Variants in PARD3B observed in about 807,000 individuals in gnomAD.
The protein encoded by PARD3B is par-3 family cell polarity regulator beta, also known as partitioning defective 3 homolog B.
A neutral mutation model predicts 130.2 loss-of-function variants in PARD3B; 103 were observed. That is an observed-to-expected ratio of 0.79 (90% CI 0.67 to 0.93). The LOEUF (loss-of-function observed/expected upper bound fraction) is 0.93. PARD3B is among the 40% of genes least tolerant of loss of function. The pLI is 0.00. For synonymous variants in PARD3B, 583 were observed against 553.2 expected (o/e 1.05, Z -0.76); for missense variants, 1,609 against 1,499.2 (o/e 1.07, Z -1.21).
intron 18 of PARD3B, among the ~76,000 whole-genome samples, chr2:205,388,692 G>A (rs2045747720): frequency 6.6e-6 from 1 of 152,066 alleles, no homozygotes; most frequent in African/African-American, 2.4e-5. Context: ...AAAATCCCAT[G>A]GGAAATCTAT....
intron 2 of PARD3B, among the ~76,000 whole-genome samples, chr2:204,933,270 T>TAA (rs1688162622): frequency 6.6e-6 from 1 of 152,140 alleles, no homozygotes; most frequent in South Asian, 2.1e-4. Context: ...AGTAGAATAT[T>TAA]AGCTGATGAA....
At chr2:205,343,533 T>G (rs549833759) in intron 18 of PARD3B, among the ~76,000 whole-genome samples, 1 of 152,376 alleles carries the variant, frequency 6.6e-6, no homozygotes, top group African/African-American at 2.4e-5. Context: ...GCCTTACACA[T>G]AGGTCCTGTG....
At chr2:204,733,623 CA>C (rs577057059) in intron 2 of PARD3B, among the ~76,000 whole-genome samples, 114 of 151,986 alleles carry the variant, frequency 7.5e-4, no homozygotes, top group African/African-American at 2.6e-3. Flanking sequence ...AGAGAACTTA[CA>C]GTACTGAATT....
chr2:205,194,701 A>G lies in PARD3B; in HGVS notation c.2140+1381A>G, dbSNP rs945140216. 3.9e-5 allele frequency among the ~76,000 whole-genome samples: 6 copies of G among 152,108 alleles called. No homozygotes were observed. In the East Asian group the frequency reaches 1.2e-3, roughly 29 times the overall value. On this transcript the variant is annotated intron_variant, in intron 15 of 22. Transcript: ENST00000406610. ...CAGCACCCATTTTAAATTAAGAGAG[A>G]AAAAATATTATGAAACCTGTAAAAA... is the stretch of plus-strand genomic sequence containing the variant.
At chr2:204,856,654 T>C (rs1460904431) in intron 2 of PARD3B, among the ~76,000 whole-genome samples, 2 of 152,184 alleles carry the variant, frequency 1.3e-5, no homozygotes, top group African/African-American at 4.8e-5. Flanking sequence ...TGTTTTCTTC[T>C]ACTTATAGTT....
intron 18 of PARD3B, among the ~76,000 whole-genome samples, chr2:205,356,023 G>T (rs2044180096): frequency 6.6e-6 from 1 of 152,124 alleles, no homozygotes; most frequent in Non-Finnish European, 1.5e-5. Flanking sequence ...ATGAGATTTG[G>T]GTGGGGACAC....
intron 20 of PARD3B, among the ~76,000 whole-genome samples, chr2:205,480,720 T>G (rs1419810697): frequency 6.6e-6 from 1 of 152,188 alleles, no homozygotes; most frequent in Non-Finnish European, 1.5e-5. Context: ...AGCTCCGTGC[T>G]CTCAACACCT....
intron 4 of PARD3B, among the ~76,000 whole-genome samples, chr2:205,083,707 C>T (rs535503228): frequency 7.8e-4 from 118 of 150,800 alleles, no homozygotes; most frequent in Admixed American, 3.6e-3. Context: ...TTTTTATATT[C>T]ATGTCTTCTT....
At chr2:205,155,515 T>A (rs1559491916) in intron 10 of PARD3B, among the ~76,000 whole-genome samples, 2 of 151,786 alleles carry the variant, frequency 1.3e-5, no homozygotes, top group African/African-American at 4.8e-5. Flanking sequence ...GAGTAAACTT[T>A]AAAAAAAATG....
intron 3 of PARD3B, among the ~76,000 whole-genome samples, chr2:204,971,175 A>G (rs1269683103): frequency 6.6e-6 from 1 of 152,230 alleles, no homozygotes; most frequent in East Asian, 1.9e-4. Context: ...TAAGCAAACC[A>G]AATCCCTTTA....
At chr2:205,074,034 A>G (rs1414372178) in intron 4 of PARD3B, among the ~76,000 whole-genome samples, 2 of 152,174 alleles carry the variant, frequency 1.3e-5, no homozygotes, top group Non-Finnish European at 2.9e-5. Context: ...TTGTATGACT[A>G]ATCTTAGTGG....
chr2:204,696,907 T>C lies in PARD3B; in HGVS notation c.222+10625T>C, dbSNP rs140809868. On this transcript the variant is annotated intron_variant, in intron 2 of 22. Coordinates refer to ENST00000406610, the MANE Select transcript of PARD3B (RefSeq NM_001302769.2). ...CCTTGTGCAGACTTTAAATCAGGAG[T>C]GAAATAGCATAGAAACATGTTCAGA... 1.8e-3 allele frequency among the ~76,000 whole-genome samples: 277 copies of C among 152,116 alleles called. 1 individual carries two copies. Among genetic ancestry groups the C allele is most frequent in the African/African-American group, 6.1e-3 (255 of 41,518 alleles).
Position 205,230,176 on chromosome 2 carries a change from T to A in PARD3B, c.2141-15602T>A, listed in dbSNP as rs983136046. 6.6e-6 allele frequency among the ~76,000 whole-genome samples: 1 copy of A among 151,672 alleles called. No individual in the cohort carries two copies. The highest frequency in any genetic ancestry group is 2.4e-5 in the African/African-American group (1 of 41,240). On this transcript the variant is annotated intron_variant, in intron 15 of 22. Transcript: ENST00000406610. The surrounding 1 kb of genome is among the most constrained non-coding windows in gnomAD (Gnocchi z 4.1). ...CTGGTACCTAAGGTGCAAGACCAAG[T>A]CCCTCTCCTTTTCTCAAGCAGGAGA... is the stretch of plus-strand genomic sequence containing the variant.
intron 2 of PARD3B, among the ~76,000 whole-genome samples, chr2:204,781,780 A>T (rs1377961104): frequency 1.3e-5 from 2 of 152,144 alleles, no homozygotes; most frequent in Non-Finnish European, 2.9e-5. Flanking sequence ...ACCTAGCCAG[A>T]ACATCATACA....
chr2:204,764,685 C>T (rs1340831807), intron 2 of PARD3B, among the ~76,000 whole-genome samples: 1 of 149,306 alleles, frequency 6.7e-6, no homozygotes, highest in Non-Finnish European at 1.5e-5. Flanking sequence ...AGTTGGCTAC[C>T]TGACCAGCAG....
intron 18 of PARD3B, among the ~76,000 whole-genome samples, chr2:205,330,444 C>T (rs1357527905): frequency 6.6e-6 from 1 of 152,206 alleles, no homozygotes; most frequent in Non-Finnish European, 1.5e-5. Context: ...GCCCTCAGGG[C>T]TGTTTGATCC....
intron 3 of PARD3B, among the ~76,000 whole-genome samples, chr2:205,036,676 AATAT>A (rs1697932751): frequency 6.8e-6 from 1 of 146,702 alleles, no homozygotes; most frequent in African/African-American, 2.5e-5. Flanking sequence ...ATGTACAAAA[AATAT>A]ATATACACAG....
rs1156899563 is a variant in PARD3B at position 205,460,741 on chromosome 2, G to C, written c.3044+20069G>C. Among the ~76,000 whole-genome samples, 3 of 152,158 alleles carry C rather than the reference G, an allele frequency of 2.0e-5. No homozygotes were observed. Among genetic ancestry groups the C allele is most frequent in the Non-Finnish European group, 4.4e-5 (3 of 68,034 alleles). On this transcript the variant is annotated intron_variant, in intron 20 of 22. Coordinates refer to ENST00000406610, the MANE Select transcript of PARD3B (RefSeq NM_001302769.2). The surrounding 1 kb of genome is among the most constrained non-coding windows in gnomAD (Gnocchi z 4.9). ...TTCACAGAGGCCTGAATGAGTTAATGCATGGCAAACCTGAAGCACAGTGAC... is the reference window on the plus strand; with the variant it reads ...TTCACAGAGGCCTGAATGAGTTAATCCATGGCAAACCTGAAGCACAGTGAC...
chr2:204,563,217 G>GTCTCTCTTTCTCTC (rs2031437869), intron 1 of PARD3B, among the ~76,000 whole-genome samples: 3 of 86,598 alleles, frequency 3.5e-5, no homozygotes, highest in Non-Finnish European at 4.5e-5. Context: ...TCTTCCCGCT[G>GTCTCTCTTTCTCTC]TCTCTCTCTC....
Sources: allele counts gnomAD v4.1 joint callset (sites outside exome capture counted in the v4.1 genomes callset), GRCh38; gene constraint gnomAD v4.1.1; non-coding constraint Gnocchi (gnomAD v3.1); transcripts MANE v1.5; gene names NCBI Gene and HGNC (gene_info 2026-07-23, HGNC 2026-07-21).